The following RASA1 variants were observed in gnomAD, a reference collection of about 807,000 sequenced individuals.
The protein encoded by RASA1 is RAS p21 protein activator 1.
Under a neutral mutation model 132.2 loss-of-function variants are expected in RASA1, and 25 were observed. That is an observed-to-expected ratio of 0.19 (90% CI 0.14 to 0.26). The LOEUF (loss-of-function observed/expected upper bound fraction) is 0.26. Among genes scored for constraint, RASA1 ranks in the 10% least tolerant of loss-of-function variants. The pLI is 1.00. For synonymous variants in RASA1, 477 were observed against 449.9 expected (o/e 1.06, Z -0.76); for missense variants, 964 against 1,299.2 (o/e 0.74, Z 3.97).
intron 22 of RASA1, among the ~76,000 whole-genome samples, 153 bp from the exon 23 acceptor site, chr5:87,386,672 AG>A (rs1762082443): frequency 1.3e-5 from 2 of 152,098 alleles, no homozygotes; most frequent in Non-Finnish European, 1.5e-5. Flanking sequence ...CTAATTTATA[AG>A]AAGTATTGCT....
At chr5:87,362,803 A>G (rs1395994063) in intron 10 of RASA1, 132 bp downstream of exon 10, 6 of 1,015,350 alleles carry the variant, frequency 5.9e-6, no homozygotes, top group South Asian at 1.5e-5. Context: ...TAGAGCCCAT[A>G]TATAAGCATT....
chr5:87,357,901 A>C (rs942990405), intron 9 of RASA1, among the ~76,000 whole-genome samples: 9 of 152,226 alleles, frequency 5.9e-5, no homozygotes, highest in Admixed American at 3.9e-4. Context: ...TGCTGATTAT[A>C]AAGCAATTTG....
intron 1 of RASA1, among the ~76,000 whole-genome samples, chr5:87,321,951 T>C (rs1756847650): frequency 6.6e-6 from 1 of 152,196 alleles, no homozygotes; most frequent in African/African-American, 2.4e-5. Context: ...TATTGTTTCC[T>C]GAGGCCTAAC....
At chr5:87,385,693 A>G (rs912730230) in intron 22 of RASA1, among the ~76,000 whole-genome samples, 4 of 152,070 alleles carry the variant, frequency 2.6e-5, no homozygotes, top group Non-Finnish European at 5.9e-5. Context: ...TTAAAAATTT[A>G]TTTCACAAAC....
intron 6 of RASA1, among the ~76,000 whole-genome samples, chr5:87,345,606 C>T (rs1758806862): frequency 6.6e-6 from 1 of 152,108 alleles, no homozygotes; most frequent in Non-Finnish European, 1.5e-5. Context: ...TGAGTTAATG[C>T]TTGGAATGGT....
chr5:87,330,073 TTTTG>T (rs1009709598), intron 1 of RASA1, among the ~76,000 whole-genome samples: 1 of 152,134 alleles, frequency 6.6e-6, no homozygotes, highest in Non-Finnish European at 1.5e-5. Flanking sequence ...TACAATTATA[TTTTG>T]TTTGTTAAGT....
intron 1 of RASA1, chr5:87,269,374 T>A: frequency 6.9e-7 from 1 of 1,448,396 alleles, no homozygotes; most frequent in Non-Finnish European, 9.4e-7. Flanking sequence ...TAAAGCTAGA[T>A]GATTAGTGAG....
At chr5:87,308,471 G>A (rs1755724628) in intron 1 of RASA1, among the ~76,000 whole-genome samples, 1 of 151,716 alleles carries the variant, frequency 6.6e-6, no homozygotes, top group African/African-American at 2.4e-5. Flanking sequence ...CTTGATTGGA[G>A]ATTATTCTGC....
intron 1 of RASA1, among the ~76,000 whole-genome samples, chr5:87,300,708 A>T (rs954312623): frequency 1.1e-4 from 17 of 152,328 alleles, no homozygotes; most frequent in African/African-American, 3.8e-4. Flanking sequence ...AATAATGCAT[A>T]CTATTAGAAG....
chr5:87,320,534 G>A (rs1436300961), intron 1 of RASA1, among the ~76,000 whole-genome samples: 2 of 152,292 alleles, frequency 1.3e-5, no homozygotes, highest in East Asian at 3.9e-4. Context: ...ATCTTCACAT[G>A]GTGACAGGAG....
chr5:87,376,006 C>T (rs969422435), intron 15 of RASA1, among the ~76,000 whole-genome samples: 14 of 152,130 alleles, frequency 9.2e-5, no homozygotes, highest in Non-Finnish European at 1.5e-5. Context: ...CTCGTCCGCT[C>T]AAGGGTTACC....
At chr5:87,390,478 T>C (rs1271418105) in intron 24 of RASA1, among the ~76,000 whole-genome samples, 2 of 151,500 alleles carry the variant, frequency 1.3e-5, no homozygotes, top group Non-Finnish European at 2.9e-5. Flanking sequence ...TTGCCTTAGA[T>C]ATTAAATAAA....
intron 1 of RASA1, among the ~76,000 whole-genome samples, chr5:87,288,260 C>T (rs1031046032): frequency 1.1e-4 from 16 of 151,368 alleles, no homozygotes; most frequent in African/African-American, 3.9e-4. Context: ...ACGTTTCTCC[C>T]TACCTTGATT....
chr5:87,377,183 C>T lies in RASA1; in HGVS notation c.2344+143C>T, dbSNP rs1456653585. 3 of 1,075,678 alleles carry T rather than the reference C, an allele frequency of 2.8e-6. No individual in the cohort carries two copies. The African/African-American group carries it at 4.7e-5, about 17-fold the overall frequency. The allele number at this position is 1,075,678 out of a possible 1,614,324, so 66.6% of individuals were successfully genotyped here. Reference sequence around the variant, plus strand: ...TTCTGTTTTCCCTCCTTAAAAATTGCAGTTGGATGTCAGTTCTGATTATGT... The same window carrying T: ...TTCTGTTTTCCCTCCTTAAAAATTGTAGTTGGATGTCAGTTCTGATTATGT... On this transcript the variant is annotated intron_variant, in intron 17 of 24. Transcript: ENST00000274376.
At chr5:87,302,077 C>G (rs1392470348) in intron 1 of RASA1, among the ~76,000 whole-genome samples, 1 of 152,070 alleles carries the variant, frequency 6.6e-6, no homozygotes, top group Non-Finnish European at 1.5e-5. Flanking sequence ...ATTGCTGGGT[C>G]ATAGGATGTT....
rs916766339 is a variant in RASA1 at position 87,391,283 on chromosome 5, T to A, written c.*400T>A. ...TCAACTGACAAGAAACACATTCTTA[T>A]TGACAATTGTGTATAACTGGATTGC... On this transcript the variant is annotated 3_prime_UTR_variant, in exon 25 of 25. Coordinates refer to ENST00000274376, the MANE Select transcript of RASA1 (RefSeq NM_002890.3). The A allele has an allele frequency of 7.9e-6, 3 of 378,064 alleles. No homozygotes were observed. The highest frequency in any genetic ancestry group is 1.5e-5 in the Non-Finnish European group (3 of 203,150). 23.4% of individuals were successfully genotyped at this position (378,064 alleles called of 1,614,324 possible).
At chr5:87,270,114 C>T (rs1322623285) in intron 1 of RASA1, among the ~76,000 whole-genome samples, 1 of 151,374 alleles carries the variant, frequency 6.6e-6, no homozygotes, top group African/African-American at 2.4e-5. Context: ...CGGTGGCACG[C>T]GCCTATAATC....
At chr5:87,387,540 C>T (rs1002846237) in intron 23 of RASA1, among the ~76,000 whole-genome samples, 1 of 152,018 alleles carries the variant, frequency 6.6e-6, no homozygotes, top group Admixed American at 6.6e-5. Context: ...ATTAGTAATT[C>T]AGTTCATATA....
intron 24 of RASA1, among the ~76,000 whole-genome samples, chr5:87,390,130 A>AT (rs1762391455): frequency 6.6e-6 from 1 of 152,212 alleles, no homozygotes; most frequent in Admixed American, 6.5e-5. Context: ...GATGTATTCA[A>AT]AGACCAGACC....
Sources: gnomAD v4.1 joint callset for allele counts (sites outside exome capture counted in the v4.1 genomes callset) on GRCh38, gnomAD v4.1.1 for gene constraint, MANE v1.5 for transcripts, NCBI Gene and HGNC (gene_info 2026-07-23, HGNC 2026-07-21) for gene names.